Variants in OSBPL1A observed in about 807,000 individuals in gnomAD.
OSBPL1A encodes oxysterol binding protein like 1A.
OSBPL1A carries 80 observed loss-of-function variants against 137.1 expected under a neutral mutation model. The ratio of observed to expected loss-of-function variants is 0.58; its 90% CI spans 0.49 to 0.70. The LOEUF is 0.70. Among genes scored for constraint, OSBPL1A ranks in the 30% least tolerant of loss-of-function variants. The pLI, the probability that OSBPL1A is intolerant of heterozygous loss-of-function variation, is 0.00. For synonymous variants in OSBPL1A, 365 were observed against 389.7 expected (o/e 0.94, Z 0.75); for missense variants, 970 against 1,129.4 (o/e 0.86, Z 2.02).
At chr18:24,179,476 T>C (rs1024326325) in intron 20 of OSBPL1A, among the ~76,000 whole-genome samples, 5 of 151,478 alleles carry the variant, frequency 3.3e-5, no homozygotes, top group African/African-American at 1.2e-4. Context: ...TGTCTCATGA[T>C]CTACATAAGG....
At chr18:24,308,052 C>T (rs2090540638) in intron 13 of OSBPL1A, among the ~76,000 whole-genome samples, 1 of 151,830 alleles carries the variant, frequency 6.6e-6, no homozygotes, top group African/African-American at 2.4e-5. Context: ...ATCATTTATT[C>T]TTAAATCAGA....
intron 16 of OSBPL1A, among the ~76,000 whole-genome samples, 177 bp downstream of exon 16, chr18:24,239,043 C>G (rs528562490): frequency 6.6e-6 from 1 of 152,130 alleles, no homozygotes; most frequent in African/African-American, 2.4e-5. Context: ...CAGACACCAG[C>G]CTTAATAACA....
Position 24,320,240 on chromosome 18 carries a change from T to C in OSBPL1A, c.626-1431A>G, listed in dbSNP as rs1313728640. Among the ~76,000 whole-genome samples, 3 of 152,090 alleles carry C rather than the reference T, an allele frequency of 2.0e-5. No homozygotes were observed. In the South Asian group the frequency reaches 6.2e-4, roughly 32 times the overall value. On this transcript the variant is annotated intron_variant, in intron 7 of 27. Coordinates refer to ENST00000319481, the MANE Select transcript of OSBPL1A (RefSeq NM_080597.4). ...ATTTTAGGCACTGAGGATTCAGCAG[T>C]GAACATAACAGAAAAAATACTGGGG...
chr18:24,305,282 A>C (rs1010665994), intron 13 of OSBPL1A, among the ~76,000 whole-genome samples: 1 of 152,220 alleles, frequency 6.6e-6, no homozygotes, highest in African/African-American at 2.4e-5. Context: ...AAATACATGA[A>C]TCACATTTAT....
At chr18:24,284,871 G>C (rs995941954) in intron 14 of OSBPL1A, among the ~76,000 whole-genome samples, 1 of 152,182 alleles carries the variant, frequency 6.6e-6, no homozygotes, top group Non-Finnish European at 1.5e-5. Context: ...TCAAGGCCTA[G>C]TTCAAATGCC....
intron 16 of OSBPL1A, among the ~76,000 whole-genome samples, chr18:24,230,941 G>A (rs1165529154): frequency 6.6e-6 from 1 of 152,064 alleles, no homozygotes; most frequent in Admixed American, 6.6e-5. Flanking sequence ...TGACTCAGTC[G>A]ATGATTATAT....
intron 18 of OSBPL1A, among the ~76,000 whole-genome samples, chr18:24,183,425 TTTTC>T (rs1446350718): frequency 6.6e-6 from 1 of 151,286 alleles, no homozygotes; most frequent in Non-Finnish European, 1.5e-5. Flanking sequence ...AGATTTTTCT[TTTTC>T]TTTTTCTTTT....
At chr18:24,242,252 T>G (rs764313926) in intron 15 of OSBPL1A, among the ~76,000 whole-genome samples, 1 of 150,560 alleles carries the variant, frequency 6.6e-6, no homozygotes, top group Non-Finnish European at 1.5e-5. Context: ...TGCAGAACAC[T>G]GCATGTTCTG....
At chr18:24,377,720 T>C (rs1351170649) in intron 1 of OSBPL1A, among the ~76,000 whole-genome samples, 185 bp from the exon 2 acceptor site, 3 of 152,224 alleles carry the variant, frequency 2.0e-5, no homozygotes, top group African/African-American at 7.2e-5. Flanking sequence ...CCTATTATTA[T>C]TGAAGCAGTA....
At chr18:24,210,954 A>G (rs1375782860) in intron 17 of OSBPL1A, among the ~76,000 whole-genome samples, 2 of 22,098 alleles carry the variant, frequency 9.1e-5, no homozygotes, top group Non-Finnish European at 8.2e-5. Context: ...GTTAACCCAA[A>G]TAACTTTTTT....
intron 15 of OSBPL1A, among the ~76,000 whole-genome samples, chr18:24,273,360 T>C (rs1236687455): frequency 6.6e-6 from 1 of 152,222 alleles, no homozygotes; most frequent in African/African-American, 2.4e-5. Flanking sequence ...GAATTCAGTT[T>C]ATAAAAGTAG....
At chr18:24,379,590 G>T (rs919139571) in intron 1 of OSBPL1A, among the ~76,000 whole-genome samples, 1 of 151,658 alleles carries the variant, frequency 6.6e-6, no homozygotes. Context: ...TCTAAAAAAA[G>T]AAAACAGAGA....
At chr18:24,281,071 A>G (rs968555256) in intron 14 of OSBPL1A, 123 bp from the exon 15 acceptor site, 59 of 559,684 alleles carry the variant, frequency 1.1e-4, no homozygotes, top group Middle Eastern at 9.6e-4. Context: ...TAAGCAAAAC[A>G]TATCATGTTT....
At chr18:24,172,236 G>A in intron 22 of OSBPL1A, 140 bp downstream of exon 22, 2 of 659,468 alleles carry the variant, frequency 3.0e-6, no homozygotes. Context: ...ACCGCGCCCA[G>A]ATATATTGCA....
At chr18:24,241,105 C>T (rs1349322928) in intron 15 of OSBPL1A, among the ~76,000 whole-genome samples, 1 of 152,172 alleles carries the variant, frequency 6.6e-6, no homozygotes, top group Non-Finnish European at 1.5e-5. Flanking sequence ...CCCTTCCTTA[C>T]ACCTTATACA....
intron 15 of OSBPL1A, 117 bp downstream of exon 15, chr18:24,280,725 C>A: frequency 3.6e-6 from 2 of 559,018 alleles, no homozygotes; most frequent in Non-Finnish European, 5.7e-6. Context: ...TGAAGCTTTC[C>A]TTTGTTAATA....
Position 24,196,093 on chromosome 18 carries a change from C to T in OSBPL1A, c.1677+32G>A. 3 of 1,504,528 alleles carry T rather than the reference C, an allele frequency of 2.0e-6. No individual in the cohort carries two copies. The South Asian group carries it at 3.4e-5, about 17-fold the overall frequency. The allele number at this position is 1,504,528 out of a possible 1,614,324, so 93.2% of individuals were successfully genotyped here. On this transcript the variant is annotated intron_variant, in intron 18 of 27. Coordinates refer to ENST00000319481, the MANE Select transcript of OSBPL1A (RefSeq NM_080597.4). ...AAGAATATGCGATTAAACATATCTG[C>T]TTAATATCATATGACAAAACCATTA... is the stretch of plus-strand genomic sequence containing the variant.
chr18:24,298,592 A>G (rs1208764040), intron 14 of OSBPL1A, among the ~76,000 whole-genome samples: 35 of 152,040 alleles, frequency 2.3e-4, no homozygotes, highest in Non-Finnish European at 8.8e-5. Context: ...TGTTCCACCC[A>G]CCTCGGCCTC....
At chr18:24,263,879 C>T (rs146929962) in intron 15 of OSBPL1A, among the ~76,000 whole-genome samples, 1,764 of 152,246 alleles carry the variant, frequency 0.012, 30 homozygotes, top group African/African-American at 0.041. Context: ...TCAAGCTATC[C>T]GCCCACCTCT....
Sources: allele counts gnomAD v4.1 joint callset (sites outside exome capture counted in the v4.1 genomes callset), GRCh38; gene constraint gnomAD v4.1.1; transcripts MANE v1.5; gene names NCBI Gene and HGNC (gene_info 2026-07-23, HGNC 2026-07-21).